The following PRR5L variants were observed in gnomAD, a reference collection of about 807,000 sequenced individuals.
PRR5L encodes proline rich 5 like.
Under a neutral mutation model 36.4 loss-of-function variants are expected in PRR5L, and 21 were observed. The observed-to-expected ratio is 0.58, with a 90% CI of 0.41 to 0.83. The LOEUF (loss-of-function observed/expected upper bound fraction) is 0.83, where lower values mean the gene tolerates loss of function less well. Among genes scored for constraint, PRR5L ranks in the 40% least tolerant of loss-of-function variants. The pLI is 0.00. For missense variants in PRR5L, 381 were observed against 473.3 expected, an observed-to-expected ratio of 0.80 and a Z score of 1.81; for synonymous variants, 188 against 197.0, an observed-to-expected ratio of 0.95 and a Z score of 0.38.
chr11:36,374,139 G>A (rs1184562866), intron 1 of PRR5L, among the ~76,000 whole-genome samples: 4 of 131,784 alleles, frequency 3.0e-5, no homozygotes, highest in African/African-American at 1.2e-4. Flanking sequence ...TCTTTGTCTT[G>A]CTCTGTCTCC....
In PRR5L at chr11:36,374,107, T is replaced by TTCCTGC. The variant is rs1554989613; in HGVS notation, c.-125-26890_-125-26889insTCCTGC. Reference sequence around the variant, plus strand: ...CTTCCTTCCTTCCTTCCTTCCTTCCTCTCTCTCTCTCTCTCTTTCTTTCTT... The same window carrying TTCCTGC: ...CTTCCTTCCTTCCTTCCTTCCTTCCTTCCTGCCTCTCTCTCTCTCTCTTTCTTTCTT... On this transcript the variant is annotated intron_variant, in intron 1 of 8. Coordinates refer to ENST00000530639, the MANE Select transcript of PRR5L (RefSeq NM_001160167.2). Among the ~76,000 whole-genome samples, 36 of 90,478 alleles carry TTCCTGC rather than the reference T, an allele frequency of 4.0e-4. 1 individual carries two copies. Among genetic ancestry groups the TTCCTGC allele is most frequent in the African/African-American group, 9.0e-4 (23 of 25,478 alleles). The allele number at this position is 90,478 out of a possible 152,430, so 59.4% of individuals were successfully genotyped here.
At chr11:36,434,919 C>T (rs115583379) in intron 5 of PRR5L, among the ~76,000 whole-genome samples, 2,702 of 152,176 alleles carry the variant, frequency 0.018, 73 homozygotes, top group African/African-American at 0.061. Context: ...TGCTGGGTTG[C>T]AGAATTACCT....
Position 36,450,542 on chromosome 11 carries a change from C to T in PRR5L, c.586-667C>T, listed in dbSNP as rs182285066. Reference sequence around the variant, plus strand: ...TTAGCTCTGAGGACTCCTGTCATGCCGGGGTTTTTAATTGGCTCTTCATCT... The same window carrying T: ...TTAGCTCTGAGGACTCCTGTCATGCTGGGGTTTTTAATTGGCTCTTCATCT... On this transcript the variant is annotated intron_variant, in intron 7 of 8. Transcript: ENST00000530639. Among the ~76,000 whole-genome samples the T allele has an allele frequency of 1.6e-4, 24 of 152,282 alleles. No individual in the cohort carries two copies. The East Asian group carries it at 3.5e-3, about 22-fold the overall frequency.
At chr11:36,372,976 T>TTGTGTGTGTGTG (rs36076560) in intron 1 of PRR5L, among the ~76,000 whole-genome samples, 43 of 146,758 alleles carry the variant, frequency 2.9e-4, no homozygotes, top group African/African-American at 9.4e-4. Context: ...TGCCTAATAG[T>TTGTGTGTGTGTG]TGTGTGTGTG....
chr11:36,306,380 C>T (rs187087236), intron 1 of PRR5L, among the ~76,000 whole-genome samples: 9 of 152,038 alleles, frequency 5.9e-5, no homozygotes, highest in East Asian at 1.9e-4. Context: ...TGATGGTTTC[C>T]GGCTTCATCT....
At chr11:36,387,992 CA>C (rs1204161557) in intron 1 of PRR5L, 1 of 152,184 alleles carries the variant, frequency 6.6e-6, no homozygotes, top group Non-Finnish European at 1.5e-5. Context: ...TGGCAAACAC[CA>C]GATCGGATTG....
chr11:36,346,031 T>A (rs1176936197), intron 1 of PRR5L, among the ~76,000 whole-genome samples: 2 of 152,228 alleles, frequency 1.3e-5, no homozygotes, highest in African/African-American at 4.8e-5. Flanking sequence ...GCTCTCTTCA[T>A]TATACTCAGT....
chr11:36,424,381 A>G (rs890260), intron 4 of PRR5L, among the ~76,000 whole-genome samples: 150,440 of 152,304 alleles, frequency 0.99, 74,327 homozygotes, highest in South Asian at 1. Flanking sequence ...TGTATTTGCA[A>G]GAACTCATTA....
chr11:36,376,878 G>A (rs1333755752), intron 1 of PRR5L, among the ~76,000 whole-genome samples: 1 of 152,090 alleles, frequency 6.6e-6, no homozygotes, highest in Non-Finnish European at 1.5e-5. Context: ...ACTCCTGCAT[G>A]GTTAAGGATC....
intron 1 of PRR5L, among the ~76,000 whole-genome samples, chr11:36,369,523 C>T (rs993786236): frequency 6.6e-6 from 1 of 152,014 alleles, no homozygotes; most frequent in African/African-American, 2.4e-5. Flanking sequence ...GGTCAGATGC[C>T]CCCCAAAGGC....
At position 36,451,311 on chromosome 11, in the gene PRR5L, T is replaced by G. The variant is rs755277682; in HGVS notation, c.688T>G (p.Phe230Val). The G allele has an allele frequency of 3.1e-6, 5 of 1,614,076 alleles. No individual in the cohort carries two copies. In the Admixed American group the frequency reaches 5.0e-5, roughly 16 times the overall value. ...CCTCGGCATCAGCGGGGACCGTAGCTTCTCAGGCCCCACGTACACGCTGGG... is the reference window on the plus strand; with the variant it reads ...CCTCGGCATCAGCGGGGACCGTAGCGTCTCAGGCCCCACGTACACGCTGGG... ...PFLGISGDRS[F>V]SGPTYTLARR... is the part of the protein sequence containing the mutation. The change falls in exon 8 of 9, where the codon TTC (phenylalanine) becomes GTC (valine). Residue 230 changes from phenylalanine (F) to valine (V), a missense_variant. By Grantham distance (50) the Phe-to-Val change is conservative. Coordinates refer to ENST00000530639, the MANE Select transcript of PRR5L (RefSeq NM_001160167.2).
At chr11:36,342,037 C>T (rs1281150523) in intron 1 of PRR5L, among the ~76,000 whole-genome samples, 7 of 152,204 alleles carry the variant, frequency 4.6e-5, no homozygotes, top group African/African-American at 1.4e-4. Flanking sequence ...CTCTGCATAA[C>T]GTCTTCAGCA....
intron 1 of PRR5L, among the ~76,000 whole-genome samples, chr11:36,397,805 T>C (rs7936341): frequency 6.7e-6 from 1 of 150,336 alleles, no homozygotes; most frequent in South Asian, 2.1e-4. Flanking sequence ...TCTTTTTTTG[T>C]TTTTTTTTGA....
chr11:36,338,082 C>T (rs1171062916), intron 1 of PRR5L, among the ~76,000 whole-genome samples: 1 of 152,100 alleles, frequency 6.6e-6, no homozygotes, highest in Non-Finnish European at 1.5e-5. Context: ...GTGGCCATAC[C>T]CAGCTACCAG....
At position 36,418,432 on chromosome 11, in the gene PRR5L, C is replaced by T. The variant is rs144647348; in HGVS notation, c.246-823C>T. Among the ~76,000 whole-genome samples the T allele has an allele frequency of 9.4e-3, 1,427 of 152,268 alleles. 14 individuals carry two copies. Among genetic ancestry groups the T allele is most frequent in the Middle Eastern group, 0.024 (7 of 294 alleles). On this transcript the variant is annotated intron_variant, in intron 3 of 8. Transcript: ENST00000530639. ...TGAATTTGCAGAAAGTCTGGGTTCA[C>T]ATCTTGGCTCTGCCACTGACTTATT... is the stretch of plus-strand genomic sequence containing the variant.
Position 36,422,793 on chromosome 11 carries a change from G to A in PRR5L, c.294+3490G>A, listed in dbSNP as rs1791663852. Among the ~76,000 whole-genome samples, 4 of 152,238 alleles carry A rather than the reference G, an allele frequency of 2.6e-5. 1 individual carries two copies. In the South Asian group the frequency reaches 8.3e-4, roughly 32 times the overall value. ...TAAGGCACTGGCTGGAAAAGTCTCTGACATTTCCAGTATTGATTTTTTTCC... is the reference window on the plus strand; with the variant it reads ...TAAGGCACTGGCTGGAAAAGTCTCTAACATTTCCAGTATTGATTTTTTTCC... On this transcript the variant is annotated intron_variant, in intron 4 of 8. Coordinates refer to ENST00000530639, the MANE Select transcript of PRR5L (RefSeq NM_001160167.2).
At chr11:36,430,733 T>C (rs777512550) in intron 4 of PRR5L, among the ~76,000 whole-genome samples, 11 of 152,190 alleles carry the variant, frequency 7.2e-5, no homozygotes, top group Non-Finnish European at 1.3e-4. Flanking sequence ...AAGAATGTTA[T>C]GGTATTGCTA....
chr11:36,308,846 A>G (rs1489066197), intron 1 of PRR5L, among the ~76,000 whole-genome samples: 2 of 152,202 alleles, frequency 1.3e-5, no homozygotes, highest in African/African-American at 4.8e-5. Flanking sequence ...CCAACAGAAG[A>G]GCATAACTTG....
chr11:36,351,938 C>A (rs1856979905), intron 1 of PRR5L, among the ~76,000 whole-genome samples: 1 of 151,060 alleles, frequency 6.6e-6, no homozygotes, highest in South Asian at 2.1e-4. Flanking sequence ...TGGGTAGAAA[C>A]CCACTAGCAG....
Sources: gnomAD v4.1 joint callset for allele counts (sites outside exome capture counted in the v4.1 genomes callset) on GRCh38, gnomAD v4.1.1 for gene constraint, MANE v1.5 for transcripts, NCBI Gene and HGNC (gene_info 2026-07-23, HGNC 2026-07-21) for gene names.